Variants in TMEM45A observed in about 807,000 individuals in gnomAD.
TMEM45A encodes the protein transmembrane protein 45A.
A neutral mutation model predicts 32.0 loss-of-function variants in TMEM45A; 25 were observed. That is an observed-to-expected ratio of 0.78 (90% CI 0.57 to 1.09). The LOEUF (loss-of-function observed/expected upper bound fraction) is 1.09, where lower values mean the gene tolerates loss of function less well. Among genes scored for constraint, TMEM45A ranks in the 50% least tolerant of loss-of-function variants. The pLI, the probability that TMEM45A is intolerant of heterozygous loss-of-function variation, is 0.00. For missense variants in TMEM45A, 302 were observed against 325.0 expected, an observed-to-expected ratio of 0.93 and a Z score of 0.54; for synonymous variants, 122 against 114.8, an observed-to-expected ratio of 1.06 and a Z score of -0.40.
chr3:100,511,247 G>A (rs1344069814), intron 1 of TMEM45A, among the ~76,000 whole-genome samples: 1 of 152,190 alleles, frequency 6.6e-6, no homozygotes, highest in African/African-American at 2.4e-5. Flanking sequence ...CCCTCAAAGG[G>A]AAGCCCATCA....
intron 1 of TMEM45A, among the ~76,000 whole-genome samples, chr3:100,510,805 C>A (rs1276803962): frequency 1.5e-4 from 23 of 152,168 alleles, no homozygotes; most frequent in Admixed American, 2.6e-4. Context: ...AAAACCAAGG[C>A]TCGAGAACTA....
At chr3:100,519,827 A>G (rs1705401160) in intron 1 of TMEM45A, among the ~76,000 whole-genome samples, 3 of 152,318 alleles carry the variant, frequency 2.0e-5, no homozygotes, top group South Asian at 4.1e-4. Flanking sequence ...GGGATCTAGC[A>G]TTGTGGGTGG....
intron 4 of TMEM45A, among the ~76,000 whole-genome samples, chr3:100,560,261 C>CTT (rs57831681): frequency 0.058 from 8,363 of 143,576 alleles, 825 homozygotes; most frequent in African/African-American, 0.2. Context: ...CTCTCTCTCT[C>CTT]TTTTTTTTTT....
intron 4 of TMEM45A, 112 bp downstream of exon 4, chr3:100,558,701 A>G: frequency 9.4e-7 from 1 of 1,066,138 alleles, no homozygotes. Flanking sequence ...TGCCTGTAGT[A>G]AGATCATGGG....
At chr3:100,517,898 T>C (rs535705073) in intron 1 of TMEM45A, among the ~76,000 whole-genome samples, 1 of 152,350 alleles carries the variant, frequency 6.6e-6, no homozygotes, top group Admixed American at 6.5e-5. Flanking sequence ...GTGGTTTAAA[T>C]GGGCTTGTTT....
intron 1 of TMEM45A, among the ~76,000 whole-genome samples, chr3:100,521,815 G>A (rs1442226502): frequency 2.6e-5 from 4 of 152,180 alleles, no homozygotes; most frequent in African/African-American, 4.8e-5. Context: ...TCCTGCCCAC[G>A]TCCTCTAGGC....
chr3:100,530,994 C>G (rs1705636345), intron 1 of TMEM45A, among the ~76,000 whole-genome samples: 1 of 151,994 alleles, frequency 6.6e-6, no homozygotes, highest in African/African-American at 2.4e-5. Flanking sequence ...TGCATCACAC[C>G]CAGGCTTTTT....
At chr3:100,553,435 G>A (rs1357714230) in intron 1 of TMEM45A, among the ~76,000 whole-genome samples, 2 of 152,084 alleles carry the variant, frequency 1.3e-5, no homozygotes, top group African/African-American at 4.8e-5. Context: ...ATCCCTGCAA[G>A]TGGGCTTCCT....
intron 5 of TMEM45A, chr3:100,574,051 TA>T (rs1389073790): frequency 5.3e-5 from 8 of 152,238 alleles, no homozygotes; most frequent in Admixed American, 5.2e-4. Context: ...GATATTGGTC[TA>T]AAATTTTCTT....
chr3:100,556,142 G>A (rs1299332437), intron 2 of TMEM45A, among the ~76,000 whole-genome samples: 1 of 152,012 alleles, frequency 6.6e-6, no homozygotes, highest in Non-Finnish European at 1.5e-5. Flanking sequence ...CACCACACCC[G>A]GCTAATTTTT....
intron 1 of TMEM45A, among the ~76,000 whole-genome samples, chr3:100,548,301 T>C (rs529158530): frequency 5.9e-5 from 9 of 152,156 alleles, no homozygotes; most frequent in Non-Finnish European, 2.9e-5. Flanking sequence ...TAAATCTCAG[T>C]ATCTTGATGC....
chr3:100,560,262 T>TCTC (rs35299607), intron 4 of TMEM45A, among the ~76,000 whole-genome samples: 37,267 of 119,990 alleles, frequency 0.31, 5,583 homozygotes, highest in Non-Finnish European at 0.37. Context: ...TCTCTCTCTC[T>TCTC]TTTTTTTTTT....
intron 2 of TMEM45A, among the ~76,000 whole-genome samples, chr3:100,556,343 G>T (rs1441929584): frequency 1.3e-5 from 2 of 152,152 alleles, no homozygotes; most frequent in Non-Finnish European, 2.9e-5. Flanking sequence ...ATTTTTATCT[G>T]GTACCAAGCA....
chr3:100,511,506 C>A (rs1206661708), intron 1 of TMEM45A, among the ~76,000 whole-genome samples: 1 of 149,412 alleles, frequency 6.7e-6, no homozygotes, highest in African/African-American at 2.5e-5. Flanking sequence ...CTGGTACCAG[C>A]CGCTGCAAAA....
rs940395861 is a variant in TMEM45A, at chr3:100,500,424, G to C, written c.-4+7496G>C. Among the ~76,000 whole-genome samples the C allele has an allele frequency of 2.6e-5, 4 of 151,436 alleles. No individual in the cohort carries two copies. In the South Asian group the frequency reaches 8.3e-4, roughly 31 times the overall value. On this transcript the variant is annotated intron_variant, in intron 1 of 5. Coordinates refer to ENST00000323523, the MANE Select transcript of TMEM45A (RefSeq NM_018004.3). ...ATTGGGTTACATTTGTTGAATGAATGTTCTTTTTCTATAACACGTAACAGT... is the reference window on the plus strand; with the variant it reads ...ATTGGGTTACATTTGTTGAATGAATCTTCTTTTTCTATAACACGTAACAGT...
chr3:100,575,363 C>CTTTTT (rs59739893), intron 5 of TMEM45A, among the ~76,000 whole-genome samples: 9 of 62,762 alleles, frequency 1.4e-4, no homozygotes, highest in Middle Eastern at 0.015. Flanking sequence ...TATGGATTCT[C>CTTTTT]TTTTTTTTTT....
At chr3:100,569,019 T>G (rs545700095) in intron 5 of TMEM45A, 52 bp downstream of exon 5, 2 of 1,547,974 alleles carry the variant, frequency 1.3e-6, no homozygotes, top group South Asian at 1.2e-5. Flanking sequence ...TATGTGATTA[T>G]CAAGACTCAG....
intron 1 of TMEM45A, among the ~76,000 whole-genome samples, chr3:100,520,820 C>T (rs1257997776): frequency 1.3e-5 from 2 of 152,184 alleles, no homozygotes; most frequent in Non-Finnish European, 2.9e-5. Flanking sequence ...AAAAGCCTCT[C>T]ACTTTCTCCG....
intron 1 of TMEM45A, among the ~76,000 whole-genome samples, chr3:100,532,081 T>C (rs927523043): frequency 1.1e-4 from 17 of 152,334 alleles, no homozygotes; most frequent in South Asian, 4.1e-4. Flanking sequence ...CTTGCTTTCA[T>C]AGGACTATTA....
Sources: gnomAD v4.1 joint callset for allele counts (sites outside exome capture counted in the v4.1 genomes callset) on GRCh38, gnomAD v4.1.1 for gene constraint, MANE v1.5 for transcripts, NCBI Gene and HGNC (gene_info 2026-07-23, HGNC 2026-07-21) for gene names.